Variants in FAM110B observed in about 807,000 individuals in gnomAD.
The protein encoded by FAM110B is family with sequence similarity 110 member B.
Under a neutral mutation model 20.4 loss-of-function variants are expected in FAM110B, and 6 were observed. The ratio of observed to expected loss-of-function variants is 0.29; its 90% CI spans 0.16 to 0.58. FAM110B has a LOEUF of 0.58. Among genes scored for constraint, FAM110B ranks in the 20% least tolerant of loss-of-function variants. The pLI is 0.90. For missense variants in FAM110B, 434 were observed against 498.2 expected, an observed-to-expected ratio of 0.87 and a Z score of 1.23; for synonymous variants, 226 against 214.1, an observed-to-expected ratio of 1.06 and a Z score of -0.49.
intron 3 of FAM110B, among the ~76,000 whole-genome samples, chr8:58,129,803 G>A (rs567202509): frequency 5.3e-5 from 8 of 152,128 alleles, no homozygotes; most frequent in South Asian, 4.1e-4. Context: ...TCTTTCTTCC[G>A]CTCTTACTTT....
chr8:58,100,198 C>T (rs1806742681), intron 3 of FAM110B, among the ~76,000 whole-genome samples: 1 of 151,430 alleles, frequency 6.6e-6, no homozygotes, highest in Non-Finnish European at 1.5e-5. Flanking sequence ...TCACAAACTA[C>T]TAACACTGAA....
chr8:58,059,263 T>C (rs1308370575), intron 2 of FAM110B, among the ~76,000 whole-genome samples: 3 of 152,326 alleles, frequency 2.0e-5, no homozygotes, highest in Middle Eastern at 3.4e-3. Context: ...ATAAGTCTTT[T>C]TGTGGACATA....
At chr8:58,144,301 G>A (rs948951736) in intron 3 of FAM110B, among the ~76,000 whole-genome samples, 4 of 152,204 alleles carry the variant, frequency 2.6e-5, no homozygotes, top group African/African-American at 9.6e-5. Flanking sequence ...CTGTAAAGAG[G>A]ATGAGATTGT....
chr8:58,067,721 A>G (rs905955782), intron 2 of FAM110B, among the ~76,000 whole-genome samples: 4 of 152,240 alleles, frequency 2.6e-5, no homozygotes, highest in African/African-American at 2.4e-5. Context: ...TATTCCCTAC[A>G]GTATTTCCAG....
At chr8:58,095,190 C>T (rs56084388) in intron 3 of FAM110B, among the ~76,000 whole-genome samples, 10,038 of 152,096 alleles carry the variant, frequency 0.066, 632 homozygotes, top group African/African-American at 0.16. Context: ...TTCTAAAAAC[C>T]AGCTCCTGGA....
chr8:58,146,196 C>A lies in FAM110B; in HGVS notation c.-35C>A. On this transcript the variant is annotated 5_prime_UTR_variant, in exon 4 of 4. Transcript: ENST00000519262. ...GGCCTTGCGGAGGCGCCCAGAAGAG[C>A]ATCCAACACGGCTGCCGGGGAAAGA... 6.4e-7 allele frequency: 1 copy of A among 1,559,024 alleles called. No homozygotes were observed. The highest frequency in any genetic ancestry group is 8.7e-7 in the Non-Finnish European group (1 of 1,151,034).
At chr8:58,061,532 G>C (rs2150585530) in intron 2 of FAM110B, among the ~76,000 whole-genome samples, 1 of 152,212 alleles carries the variant, frequency 6.6e-6, no homozygotes, top group African/African-American at 2.4e-5. Context: ...GCACAGACTT[G>C]GTAAAGATCA....
intron 2 of FAM110B, among the ~76,000 whole-genome samples, 173 bp from the exon 3 acceptor site, chr8:58,075,362 G>GC (rs1318420454): frequency 1.3e-5 from 2 of 150,742 alleles, no homozygotes; most frequent in East Asian, 3.9e-4. Flanking sequence ...CAAGTGATCT[G>GC]CCCCCCTCGG....
intron 3 of FAM110B, among the ~76,000 whole-genome samples, chr8:58,105,622 G>A (rs1245021005): frequency 7.4e-6 from 1 of 134,776 alleles, no homozygotes; most frequent in Non-Finnish European, 1.5e-5. Flanking sequence ...AGGCTGGAGT[G>A]CAGTGGTGCG....
At chr8:58,058,896 C>T (rs1202544601) in intron 2 of FAM110B, among the ~76,000 whole-genome samples, 1 of 152,124 alleles carries the variant, frequency 6.6e-6, no homozygotes, top group Non-Finnish European at 1.5e-5. Context: ...CAGGTAATCA[C>T]GCTAATAAAC....
chr8:58,008,126 A>ATT (rs71248160), intron 1 of FAM110B, among the ~76,000 whole-genome samples: 4,345 of 115,930 alleles, frequency 0.037, 108 homozygotes, highest in South Asian at 0.056. Context: ...AAAAGCTTGC[A>ATT]TTTTTTTTTT....
chr8:58,121,091 T>G (rs1031024080), intron 3 of FAM110B, among the ~76,000 whole-genome samples: 5 of 152,184 alleles, frequency 3.3e-5, no homozygotes, highest in Admixed American at 1.3e-4. Context: ...AATGTAGATT[T>G]TAGTCAGTGG....
intron 3 of FAM110B, among the ~76,000 whole-genome samples, chr8:58,091,983 G>A (rs1208631177): frequency 1.3e-5 from 2 of 152,102 alleles, no homozygotes; most frequent in African/African-American, 4.8e-5. Context: ...AAGCACTCAA[G>A]TTACAAACAG....
chr8:58,094,340 A>C (rs1381700974), intron 3 of FAM110B, among the ~76,000 whole-genome samples: 1 of 152,144 alleles, frequency 6.6e-6, no homozygotes, highest in Non-Finnish European at 1.5e-5. Context: ...TTTCAAAGGG[A>C]ATGCTTCCAG....
chr8:58,073,670 C>T (rs1805961347), intron 2 of FAM110B, among the ~76,000 whole-genome samples: 1 of 152,170 alleles, frequency 6.6e-6, no homozygotes, highest in African/African-American at 2.4e-5. Context: ...CTATTATACT[C>T]TTAAGTAATT....
At chr8:58,075,371 G>A (rs1013430126) in intron 2 of FAM110B, among the ~76,000 whole-genome samples, 164 bp from the exon 3 acceptor site, 6 of 151,156 alleles carry the variant, frequency 4.0e-5, no homozygotes, top group East Asian at 3.9e-4. Flanking sequence ...TGCCCCCCTC[G>A]GCCTCCCAAA....
intron 3 of FAM110B, among the ~76,000 whole-genome samples, chr8:58,090,017 C>G (rs759326970): frequency 1.9e-4 from 29 of 152,230 alleles, no homozygotes; most frequent in Admixed American, 3.3e-4. Flanking sequence ...TCTGCCTCTG[C>G]CACCCCTCAG....
chr8:58,096,594 C>A (rs1354572207), intron 3 of FAM110B, among the ~76,000 whole-genome samples: 2 of 152,176 alleles, frequency 1.3e-5, no homozygotes, highest in African/African-American at 4.8e-5. Flanking sequence ...ATGATGCTAG[C>A]TGGTTATTTT....
intron 2 of FAM110B, among the ~76,000 whole-genome samples, chr8:58,039,953 T>C (rs1356280982): frequency 6.6e-6 from 1 of 152,110 alleles, no homozygotes; most frequent in African/African-American, 2.4e-5. Flanking sequence ...TTTTTAAATT[T>C]TGAATATTTA....
Sources: allele counts gnomAD v4.1 joint callset (sites outside exome capture counted in the v4.1 genomes callset), GRCh38; gene constraint gnomAD v4.1.1; transcripts MANE v1.5; gene names NCBI Gene and HGNC (gene_info 2026-07-23, HGNC 2026-07-21).